CALHM5: variants seen among roughly 807,000 people sequenced by gnomAD.
The protein encoded by CALHM5 is calcium homeostasis modulator protein 5.
A neutral mutation model predicts 20.9 loss-of-function variants in CALHM5; 17 were observed. The observed-to-expected ratio is 0.82, with a 90% CI of 0.56 to 1.22. CALHM5 has a LOEUF of 1.22. Among genes scored for constraint, CALHM5 ranks in the 50% most tolerant of loss-of-function variants. The pLI is 0.00. For missense variants in CALHM5, 360 were observed against 364.6 expected, an observed-to-expected ratio of 0.99 and a Z score of 0.10; for synonymous variants, 148 against 140.0, an observed-to-expected ratio of 1.06 and a Z score of -0.40.
Position 116,521,958 on chromosome 6 carries a change from G to A in CALHM5, c.*5969G>A, listed in dbSNP as rs573277623. ...TGGTAAAAGCCACTATGTAAGAACT[G>A]CAATTACTCAGGGACTACCAAGCTC... On this transcript the variant is annotated 3_prime_UTR_variant, in exon 2 of 2. Coordinates refer to ENST00000368599, the MANE Select transcript of CALHM5 (RefSeq NM_153711.5). 2 of 152,166 alleles carry A rather than the reference G, an allele frequency of 1.3e-5. No homozygotes were observed. The highest frequency in any genetic ancestry group is 4.8e-5 in the African/African-American group (2 of 41,492). The allele number at this position is 152,166 out of a possible 1,614,324, so 9.4% of individuals were successfully genotyped here.
rs773631832 is a variant in CALHM5 at position 116,517,548 on chromosome 6, T to G, written c.*1559T>G. On this transcript the variant is annotated 3_prime_UTR_variant, in exon 2 of 2. Transcript: ENST00000368599. Reference sequence around the variant, plus strand: ...GCTGAATATTAACTTCTTATTAACATGAAACATGATGGCAAACTGAATCCT... The same window carrying G: ...GCTGAATATTAACTTCTTATTAACAGGAAACATGATGGCAAACTGAATCCT... 6.6e-6 allele frequency: 1 copy of G among 152,172 alleles called. No individual in the cohort carries two copies. Among genetic ancestry groups the G allele is most frequent in the Non-Finnish European group, 1.5e-5 (1 of 68,028 alleles). The allele number at this position is 152,172 out of a possible 1,614,324, so 9.4% of individuals were successfully genotyped here.
chr6:116,512,845 G>A (rs921592080), intron 1 of CALHM5, among the ~76,000 whole-genome samples: 6 of 152,128 alleles, frequency 3.9e-5, no homozygotes, highest in African/African-American at 1.2e-4. Context: ...AAAAGTGACT[G>A]TACTCTCTAG....
At chr6:116,513,880 T>A (rs1279580754) in intron 1 of CALHM5, among the ~76,000 whole-genome samples, 16 of 152,190 alleles carry the variant, frequency 1.1e-4, no homozygotes, top group Non-Finnish European at 1.5e-4. Context: ...GTTTGTATGC[T>A]GATGCTACCA....
chr6:116,512,416 T>C, intron 1 of CALHM5, 180 bp downstream of exon 1: 1 of 647,828 alleles, frequency 1.5e-6, no homozygotes, highest in Non-Finnish European at 2.5e-6. Flanking sequence ...GGTGGCTCAA[T>C]AAAGTTGCTG....
Position 116,516,061 on chromosome 6 carries a change from C to A in CALHM5, c.*72C>A. The stretch of plus-strand genomic sequence containing the variant: ...TGTGATCCTCCTAACGTATCACCAG[C>A]AACCTGTGTGTCTCTGTATTTTCTT... On this transcript the variant is annotated 3_prime_UTR_variant, in exon 2 of 2. Coordinates refer to ENST00000368599, the MANE Select transcript of CALHM5 (RefSeq NM_153711.5). The A allele has an allele frequency of 4.1e-6, 6 of 1,478,146 alleles. 1 individual carries two copies. The Middle Eastern group carries it at 9.3e-4, about 229-fold the overall frequency. 91.6% of individuals were successfully genotyped at this position (1,478,146 alleles called of 1,614,324 possible). A position where few individuals can be genotyped will look rare whatever the true frequency, so the allele number is the denominator to read the frequency against.
In CALHM5 at chr6:116,512,223, A is replaced by C; in HGVS notation, c.527A>C (p.Gln176Pro). The C allele has an allele frequency of 2.5e-6, 4 of 1,597,706 alleles. No individual in the cohort carries two copies. Among genetic ancestry groups the C allele is most frequent in the Non-Finnish European group, 3.4e-6 (4 of 1,175,690 alleles). The stretch of plus-strand genomic sequence containing the variant: ...AATGAAGAACTGAAACTCTCCCTTC[A>C]GGCCCAGTCTCAGGTAAGAAAAGAC... ...TVNEELKLSL[Q>P]AQSQILGWCL... The change falls in exon 1 of 2, where the codon CAG becomes CCG. Residue 176 changes from glutamine to proline, a missense_variant. Gln to Pro is a moderately conservative substitution (Grantham distance 76, BLOSUM62 -1). Transcript: ENST00000368599.
Position 116,516,032 on chromosome 6 carries a change from A to G in CALHM5, c.*43A>G. The G allele has an allele frequency of 5.9e-6, 9 of 1,533,868 alleles. No homozygotes were observed. Among genetic ancestry groups the G allele is most frequent in the African/African-American group, 1.4e-5 (1 of 72,716 alleles). On this transcript the variant is annotated 3_prime_UTR_variant, in exon 2 of 2. Coordinates refer to ENST00000368599, the MANE Select transcript of CALHM5 (RefSeq NM_153711.5). ...ACTCATGGTGTTGAGTGGCATGCTC[A>G]TTCTGTGATCCTCCTAACGTATCAC...
rs1212608636 is a variant in CALHM5 at position 116,521,853 on chromosome 6, A to G, written c.*5864A>G. On this transcript the variant is annotated 3_prime_UTR_variant, in exon 2 of 2. Coordinates refer to ENST00000368599, the MANE Select transcript of CALHM5 (RefSeq NM_153711.5). ...ATCTGACCTTATGAACCAATAAAAT[A>G]TGGCAGACATGAGGTAGATTGTTAA... The G allele has an allele frequency of 1.3e-5, 2 of 152,196 alleles. No individual in the cohort carries two copies. Among genetic ancestry groups the G allele is most frequent in the Non-Finnish European group, 2.9e-5 (2 of 68,036 alleles). 9.4% of individuals were successfully genotyped at this position (152,196 alleles called of 1,614,324 possible). A position where few individuals can be genotyped will look rare whatever the true frequency, so the allele number is the denominator to read the frequency against.
rs1772386344 is a variant in CALHM5 at position 116,523,622 on chromosome 6, C to G, written c.*7633C>G. ...ACCTATGCAATTTGAAGCCACTCAT[C>G]TATATTAGCATCACTAAAAATCAAA... On this transcript the variant is annotated 3_prime_UTR_variant, in exon 2 of 2. Transcript: ENST00000368599. The G allele has an allele frequency of 6.6e-6, 1 of 152,196 alleles. No individual in the cohort carries two copies. The highest frequency in any genetic ancestry group is 2.4e-5 in the African/African-American group (1 of 41,448). The allele number at this position is 152,196 out of a possible 1,614,324, so 9.4% of individuals were successfully genotyped here.
rs766793617 is a variant in CALHM5 at position 116,515,627 on chromosome 6, G to T, written c.568G>T (p.Ala190Ser). The T allele has an allele frequency of 6.2e-7, 1 of 1,612,956 alleles. No individual in the cohort carries two copies. Among genetic ancestry groups the T allele is most frequent in the Admixed American group, 1.7e-5 (1 of 59,750 alleles). ...TCTAGGATGGTGCCTGATTTGTTCA[G>T]CGTCTTTCTTCTCTCTGCTCACCAC... ...QILGWCLICSASFFSLLTTCY... is the reference protein window; with the variant it reads ...QILGWCLICSSSFFSLLTTCY... The change falls in exon 2 of 2, where the codon GCG (alanine) becomes TCG (serine). Residue 190 changes from alanine (A) to serine (S), a missense_variant. By Grantham distance (99) the Ala-to-Ser change is moderately conservative (BLOSUM62 1). Coordinates refer to ENST00000368599, the MANE Select transcript of CALHM5 (RefSeq NM_153711.5).
At position 116,521,175 on chromosome 6, in the gene CALHM5, A is replaced by G. The variant is rs1208448876; in HGVS notation, c.*5186A>G. On this transcript the variant is annotated 3_prime_UTR_variant, in exon 2 of 2. Coordinates refer to ENST00000368599, the MANE Select transcript of CALHM5 (RefSeq NM_153711.5). ...GTGGGAATATATATTATATATAACA[A>G]AACATGACAAATATATAACAAAATA... 6.6e-6 allele frequency: 1 copy of G among 152,078 alleles called. No homozygotes were observed. Among genetic ancestry groups the G allele is most frequent in the East Asian group, 1.9e-4 (1 of 5,204 alleles). The allele number at this position is 152,078 out of a possible 1,614,324, so 9.4% of individuals were successfully genotyped here. A position where few individuals can be genotyped will look rare whatever the true frequency, so the allele number is the denominator to read the frequency against.
At chr6:116,514,416 A>G (rs1195112119) in intron 1 of CALHM5, among the ~76,000 whole-genome samples, 2 of 152,210 alleles carry the variant, frequency 1.3e-5, no homozygotes, top group African/African-American at 4.8e-5. Context: ...ATAAGTACAG[A>G]AAGATATTAT....
chr6:116,514,848 A>T (rs1396424595), intron 1 of CALHM5, among the ~76,000 whole-genome samples: 1 of 152,230 alleles, frequency 6.6e-6, no homozygotes, highest in Non-Finnish European at 1.5e-5. Context: ...ATGTCAAGAG[A>T]CACTTTGAAA....
At chr6:116,512,420 G>T (rs921332582) in intron 1 of CALHM5, 184 bp downstream of exon 1, 1 of 619,922 alleles carries the variant, frequency 1.6e-6, no homozygotes. Context: ...GCTCAATAAA[G>T]TTGCTGACTG....
intron 1 of CALHM5, among the ~76,000 whole-genome samples, chr6:116,514,054 A>G (rs1342541081): frequency 1.3e-5 from 2 of 152,118 alleles, no homozygotes; most frequent in African/African-American, 4.8e-5. Flanking sequence ...GTTCCAAGTC[A>G]ATGAGGAAAA....
intron 1 of CALHM5, among the ~76,000 whole-genome samples, chr6:116,512,612 A>T (rs1356021423): frequency 6.6e-6 from 1 of 152,252 alleles, no homozygotes; most frequent in Non-Finnish European, 1.5e-5. Flanking sequence ...AATTATTTAC[A>T]TTCAAGTTGT....
At chr6:116,513,034 C>A (rs1484510671) in intron 1 of CALHM5, among the ~76,000 whole-genome samples, 1 of 152,140 alleles carries the variant, frequency 6.6e-6, no homozygotes, top group Non-Finnish European at 1.5e-5. Flanking sequence ...GATGTACAGC[C>A]TTAGGAAGGA....
chr6:116,517,135 C>G lies in CALHM5; in HGVS notation c.*1146C>G, dbSNP rs942626285. The stretch of plus-strand genomic sequence containing the variant: ...AAGGCACTAATCCCATTCCTGGAGG[C>G]TCCACCTTCATGACCCAATTACTTC... On this transcript the variant is annotated 3_prime_UTR_variant, in exon 2 of 2. Transcript: ENST00000368599. 6.6e-6 allele frequency: 1 copy of G among 152,068 alleles called. No individual in the cohort carries two copies. Among genetic ancestry groups the G allele is most frequent in the Non-Finnish European group, 1.5e-5 (1 of 68,020 alleles). The allele number at this position is 152,068 out of a possible 1,614,324, so 9.4% of individuals were successfully genotyped here. A position where few individuals can be genotyped will look rare whatever the true frequency, so the allele number is the denominator to read the frequency against.
intron 1 of CALHM5, among the ~76,000 whole-genome samples, chr6:116,514,652 A>T (rs1562339997): frequency 6.6e-6 from 1 of 152,186 alleles, no homozygotes; most frequent in Non-Finnish European, 1.5e-5. Flanking sequence ...GCCAGTCCAG[A>T]GTTGGCATTG....
Sources: allele counts gnomAD v4.1 joint callset (sites outside exome capture counted in the v4.1 genomes callset), GRCh38; gene constraint gnomAD v4.1.1; transcripts MANE v1.5; gene names NCBI Gene and HGNC (gene_info 2026-07-23, HGNC 2026-07-21).